TCF4: variants seen among roughly 807,000 people sequenced by gnomAD.
TCF4 encodes transcription factor 4.
Under a neutral mutation model 82.1 loss-of-function variants are expected in TCF4, and 3 were observed. The ratio of observed to expected loss-of-function variants is 0.04; its 90% CI spans 0.02 to 0.09. The LOEUF is 0.09. Ranked by LOEUF, TCF4 falls within the 10% of genes least tolerant of loss-of-function variation. The pLI, the probability that TCF4 is intolerant of heterozygous loss-of-function variation, is 1.00. For missense variants in TCF4, 518 were observed against 852.7 expected (o/e 0.61, Z 4.89); for synonymous variants, 276 against 309.6 (o/e 0.89, Z 1.14).
chr18:55,586,067 G>A lies in TCF4; in HGVS notation c.73-715C>T. 3 of 1,420,234 alleles carry A rather than the reference G, an allele frequency of 2.1e-6. 1 individual carries two copies. Among genetic ancestry groups the A allele is most frequent in the Admixed American group, 2.2e-5 (1 of 44,486 alleles). The allele number at this position is 1,420,234 out of a possible 1,614,324, so 88.0% of individuals were successfully genotyped here. A position where few individuals can be genotyped will look rare whatever the true frequency, so the allele number is the denominator to read the frequency against. On this transcript the variant is annotated intron_variant, in intron 2 of 19. Transcript: ENST00000354452. ...TGCAAAGCTGCCTGCCTAGGGCTAC[G>A]TTTCCTGGCAAAACTTCCGAAAGCC... is the stretch of plus-strand genomic sequence containing the variant.
chr18:55,397,556 T>C (rs994086725), intron 6 of TCF4, among the ~76,000 whole-genome samples: 4 of 152,044 alleles, frequency 2.6e-5, no homozygotes, highest in Non-Finnish European at 5.9e-5. Context: ...AGAATACAAA[T>C]AGAGGAACAG....
intron 3 of TCF4, among the ~76,000 whole-genome samples, chr18:55,467,940 A>G (rs2096067724): frequency 6.6e-6 from 1 of 152,190 alleles, no homozygotes; most frequent in East Asian, 1.9e-4. Flanking sequence ...ATGGGTTAGA[A>G]AACTTGCCCA....
chr18:55,483,404 A>G (rs2096469730), intron 3 of TCF4, among the ~76,000 whole-genome samples: 1 of 152,238 alleles, frequency 6.6e-6, no homozygotes, highest in Non-Finnish European at 1.5e-5. Context: ...ATGCAAGTAC[A>G]GATTAAGATT....
rs776229191 is a variant in TCF4 at position 55,633,975 on chromosome 18, T to C, written c.195+1728A>G. Among the ~76,000 whole-genome samples the C allele has an allele frequency of 2.0e-5, 3 of 151,990 alleles. No homozygotes were observed. The highest frequency in any genetic ancestry group is 1.3e-4 in the Admixed American group (2 of 15,270). Reference sequence around the variant, plus strand: ...GTTTAGGATCTAACAAAAAACATAATACTATAATTTAGGCTGGGCGCAGTG... The same window carrying C: ...GTTTAGGATCTAACAAAAAACATAACACTATAATTTAGGCTGGGCGCAGTG... On this transcript the variant is annotated intron_variant, in intron 1 of 20. Transcript: ENST00000398339. The surrounding 1 kb of genome is among the most constrained non-coding windows in gnomAD (Gnocchi z 4.0).
chr18:55,285,923 CTTTA>C (rs150606117), intron 8 of TCF4, among the ~76,000 whole-genome samples: 1,618 of 152,256 alleles, frequency 0.011, 31 homozygotes, highest in African/African-American at 0.036. Context: ...GGTATCTTAG[CTTTA>C]TTTATTATAT....
At chr18:55,585,108 AAG>A (rs1363853263) in intron 3 of TCF4, among the ~76,000 whole-genome samples, 170 bp downstream of exon 3, 7 of 152,236 alleles carry the variant, frequency 4.6e-5, no homozygotes, top group Non-Finnish European at 1.0e-4. Flanking sequence ...TTAATCGCAC[AAG>A]ATAACATTTT....
intron 3 of TCF4, among the ~76,000 whole-genome samples, chr18:55,560,054 G>A (rs2097341572): frequency 6.6e-6 from 1 of 152,104 alleles, no homozygotes; most frequent in South Asian, 2.1e-4. Context: ...TAAAATAAAA[G>A]CACATAATAA....
At chr18:55,535,601 T>C (rs2097107870) in intron 3 of TCF4, among the ~76,000 whole-genome samples, 1 of 152,172 alleles carries the variant, frequency 6.6e-6, no homozygotes, top group Non-Finnish European at 1.5e-5. Context: ...ATTGAGAAAA[T>C]GTGGCAATAA....
intron 15 of TCF4, among the ~76,000 whole-genome samples, chr18:55,240,847 GTTTGGATTT>G (rs2144933536): frequency 6.6e-6 from 1 of 152,238 alleles, no homozygotes; most frequent in Non-Finnish European, 1.5e-5. Flanking sequence ...CAATTCTTTT[GTTTGGATTT>G]TTACTTGATT....
intron 6 of TCF4, among the ~76,000 whole-genome samples, chr18:55,368,664 G>T (rs1207876085): frequency 6.6e-6 from 1 of 152,162 alleles, no homozygotes; most frequent in Non-Finnish European, 1.5e-5. Context: ...CATGGTGTAT[G>T]ACACCACAAA....
At chr18:55,362,339 G>A (rs190714818) in intron 6 of TCF4, among the ~76,000 whole-genome samples, 1,281 of 68,526 alleles carry the variant, frequency 0.019, 57 homozygotes, top group Admixed American at 0.022. Context: ...AAAAAAAAAA[G>A]AGGAAGGAAG....
intron 2 of TCF4, among the ~76,000 whole-genome samples, chr18:55,604,376 GTCTTCCTCTTTTT>G (rs2097700275): frequency 6.6e-6 from 1 of 151,948 alleles, no homozygotes; most frequent in Non-Finnish European, 1.5e-5. Flanking sequence ...TCCTTTCCTT[GTCTTCCTCTTTTT>G]TCTTCCTCTG....
chr18:55,601,989 C>A (rs572085719), intron 2 of TCF4, among the ~76,000 whole-genome samples: 4 of 152,098 alleles, frequency 2.6e-5, no homozygotes, highest in African/African-American at 9.7e-5. Context: ...GATTTTCTTT[C>A]GTTTCTTTTT....
intron 6 of TCF4, among the ~76,000 whole-genome samples, chr18:55,371,524 G>A (rs1419102483): frequency 6.6e-6 from 1 of 152,112 alleles, no homozygotes; most frequent in Admixed American, 6.6e-5. Context: ...GCTTCGGTGA[G>A]AGCCAAGGAA....
intron 3 of TCF4, among the ~76,000 whole-genome samples, chr18:55,528,248 G>T (rs73960135): frequency 1.3e-5 from 2 of 152,148 alleles, no homozygotes; most frequent in Non-Finnish European, 2.9e-5. Context: ...GGATGGCTAT[G>T]TTTAAGATCT....
chr18:55,493,977 T>C (rs901071690), intron 3 of TCF4, among the ~76,000 whole-genome samples: 1 of 152,122 alleles, frequency 6.6e-6, no homozygotes, highest in South Asian at 2.1e-4. Flanking sequence ...ACTTAGAAGA[T>C]TGAAAAATAT....
intron 3 of TCF4, among the ~76,000 whole-genome samples, chr18:55,484,797 T>G (rs1247542957): frequency 4.6e-5 from 7 of 152,236 alleles, no homozygotes; most frequent in Non-Finnish European, 7.3e-5. Context: ...GAAGATACAA[T>G]GACACTGTTA....
At chr18:55,406,914 C>T (rs535595998) in intron 5 of TCF4, among the ~76,000 whole-genome samples, 29 of 152,322 alleles carry the variant, frequency 1.9e-4, no homozygotes, top group African/African-American at 6.7e-4. Context: ...GGCACAAAGA[C>T]AATGGTGGCA....
chr18:55,586,118 A>C, intron 2 of TCF4: 1 of 1,404,828 alleles, frequency 7.1e-7, no homozygotes, highest in Admixed American at 2.2e-5. Flanking sequence ...GGTCTAGAAG[A>C]GGAGGAGGAG....
Sources: allele counts gnomAD v4.1 joint callset (sites outside exome capture counted in the v4.1 genomes callset), GRCh38; gene constraint gnomAD v4.1.1; non-coding constraint Gnocchi (gnomAD v3.1); transcripts MANE v1.5; gene names NCBI Gene and HGNC (gene_info 2026-07-23, HGNC 2026-07-21).